Variants in RALGAPB observed in about 807,000 individuals in gnomAD.
The protein encoded by RALGAPB is ral GTPase-activating protein subunit beta.
A neutral mutation model predicts 161.1 loss-of-function variants in RALGAPB; 25 were observed. The observed-to-expected ratio is 0.16, with a 90% CI of 0.11 to 0.22. RALGAPB has a LOEUF of 0.22. RALGAPB is among the 10% of genes least tolerant of loss of function. RALGAPB has a pLI of 1.00. For missense variants in RALGAPB, 1,391 were observed against 1,815.2 expected, an observed-to-expected ratio of 0.77 and a Z score of 4.25; for synonymous variants, 629 against 626.1, an observed-to-expected ratio of 1.00 and a Z score of -0.07.
intron 28 of RALGAPB, among the ~76,000 whole-genome samples, chr20:38,573,436 A>T (rs1049310057): frequency 2.0e-5 from 3 of 152,132 alleles, no homozygotes; most frequent in African/African-American, 7.2e-5. Flanking sequence ...ATCACAAATA[A>T]CATGTAATAT....
At chr20:38,506,150 T>C (rs534394421) in intron 5 of RALGAPB, among the ~76,000 whole-genome samples, 5 of 152,278 alleles carry the variant, frequency 3.3e-5, no homozygotes, top group African/African-American at 1.2e-4. Flanking sequence ...TTAAAGTATA[T>C]AGGAAGATGT....
intron 2 of RALGAPB, among the ~76,000 whole-genome samples, chr20:38,491,030 G>A (rs1017802905): frequency 9.9e-5 from 15 of 152,186 alleles, no homozygotes; most frequent in Admixed American, 3.3e-4. Context: ...GACCTGCAAT[G>A]TCTTTTAGAA....
Position 38,551,121 on chromosome 20 carries a change from A to G in RALGAPB, c.3060A>G (p.Lys1020=). The change falls in exon 21 of 30, where the codon AAA becomes AAG. Residue 1020 remains lysine, a synonymous_variant. Coordinates refer to ENST00000262879, the MANE Select transcript of RALGAPB (RefSeq NM_020336.4). ...TTCCTAAAAATGACGTTGGATTTAA[A>G]TATTCTGTGAAACATCGGCCATTTC... ...RPVPKNDVGF[K]YSVKHRPFPE... 1.9e-6 allele frequency: 3 copies of G among 1,613,998 alleles called. No individual in the cohort carries two copies. The highest frequency in any genetic ancestry group is 3.3e-4 in the Middle Eastern group (2 of 6,060).
chr20:38,523,677 T>G (rs1297849886), intron 10 of RALGAPB, among the ~76,000 whole-genome samples: 2 of 151,920 alleles, frequency 1.3e-5, no homozygotes, highest in East Asian at 3.9e-4. Flanking sequence ...AGTTGAGAGG[T>G]GTGGGTTAGA....
At position 38,553,855 on chromosome 20, in the gene RALGAPB, G is replaced by T; in HGVS notation, c.3163-12G>T. The T allele has an allele frequency of 6.6e-7, 1 of 1,516,538 alleles. No individual in the cohort carries two copies. The highest frequency in any genetic ancestry group is 1.1e-5 in the South Asian group (1 of 88,818). The allele number at this position is 1,516,538 out of a possible 1,614,324, so 93.9% of individuals were successfully genotyped here. A position where few individuals can be genotyped will look rare whatever the true frequency, so the allele number is the denominator to read the frequency against. ...AATAGTTTCAAAAAATGAAATATTT[G>T]GTTTATTACAGTTAGAAGAGAGACA... is the stretch of plus-strand genomic sequence containing the variant. On this transcript the variant is annotated splice_polypyrimidine_tract_variant and intron_variant, in intron 21 of 29. Transcript: ENST00000262879.
intron 13 of RALGAPB, 141 bp downstream of exon 13, chr20:38,526,183 T>C (rs1648965734): frequency 5.1e-6 from 5 of 986,756 alleles, no homozygotes; most frequent in African/African-American, 1.7e-5. Flanking sequence ...GTTAGTTTTT[T>C]AATGTAAAAA....
At chr20:38,554,169 T>TA (rs202236409) in intron 22 of RALGAPB, 93 bp downstream of exon 22, 189,374 of 801,428 alleles carry the variant, frequency 0.24, 1,774 homozygotes, top group African/African-American at 0.3. Flanking sequence ...AGAAGCGAAT[T>TA]AAAAAAAAAA....
chr20:38,485,339 C>G (rs1348048440), intron 1 of RALGAPB, among the ~76,000 whole-genome samples: 2 of 152,186 alleles, frequency 1.3e-5, no homozygotes, highest in Non-Finnish European at 2.9e-5. Flanking sequence ...CACAGTGCCT[C>G]TAGGTGACAG....
At chr20:38,526,247 C>T (rs534942828) in intron 13 of RALGAPB, among the ~76,000 whole-genome samples, 3 of 152,062 alleles carry the variant, frequency 2.0e-5, no homozygotes, top group Admixed American at 6.6e-5. Context: ...CTTGGTTGGT[C>T]ATTTATTTGT....
chr20:38,531,092 A>T, intron 13 of RALGAPB, 75 bp from the exon 14 acceptor site: 1 of 1,237,282 alleles, frequency 8.1e-7, no homozygotes, highest in Non-Finnish European at 1.2e-6. Flanking sequence ...CTGTACTATT[A>T]ATCATATAAA....
At chr20:38,545,574 T>G (rs562911669) in intron 18 of RALGAPB, among the ~76,000 whole-genome samples, 8 of 152,310 alleles carry the variant, frequency 5.3e-5, no homozygotes, top group African/African-American at 1.9e-4. Flanking sequence ...CTCTCCTCTT[T>G]CACTCTAAGG....
At chr20:38,473,411 C>T (rs2084708885) in intron 1 of RALGAPB, among the ~76,000 whole-genome samples, 1 of 152,196 alleles carries the variant, frequency 6.6e-6, no homozygotes, top group Admixed American at 6.5e-5. Context: ...AAAGGTTAGG[C>T]AAGTTGCTGC....
intron 28 of RALGAPB, among the ~76,000 whole-genome samples, chr20:38,572,619 A>G (rs2088281411): frequency 6.6e-6 from 1 of 152,234 alleles, no homozygotes; most frequent in African/African-American, 2.4e-5. Flanking sequence ...TGTTGAAGTC[A>G]GTAAAGATGA....
At chr20:38,531,319 T>C in intron 14 of RALGAPB, 88 bp downstream of exon 14, 1 of 1,158,982 alleles carries the variant, frequency 8.6e-7, no homozygotes, top group Admixed American at 1.9e-5. Flanking sequence ...TTGTGAATTT[T>C]AAAGGCCTTT....
rs537543860 is a variant in RALGAPB at position 38,549,563 on chromosome 20, T to C, written c.3009+768T>C. On this transcript the variant is annotated intron_variant, in intron 20 of 29. Coordinates refer to ENST00000262879, the MANE Select transcript of RALGAPB (RefSeq NM_020336.4). ...AAAAAAAAAAAAATATATATATATA[T>C]ACACACACACACACATACATATACA... Among the ~76,000 whole-genome samples, 828 of 115,242 alleles carry C rather than the reference T, an allele frequency of 7.2e-3. 6 individuals carry two copies. The highest frequency in any genetic ancestry group is 0.016 in the African/African-American group (604 of 37,040). 75.6% of individuals were successfully genotyped at this position (115,242 alleles called of 152,430 possible). A position where few individuals can be genotyped will look rare whatever the true frequency, so the allele number is the denominator to read the frequency against.
chr20:38,526,051 T>C lies in RALGAPB; in HGVS notation c.2050+9T>C. The C allele has an allele frequency of 1.2e-6, 2 of 1,613,356 alleles. No individual in the cohort carries two copies. The highest frequency in any genetic ancestry group is 1.7e-6 in the Non-Finnish European group (2 of 1,179,760). On this transcript the variant is annotated intron_variant, in intron 13 of 29. Transcript: ENST00000262879. ...CACCCAAATGATATTAGGTTTGTATTCACACGTTATTTTGTAAGTGAAACC... is the reference window on the plus strand; with the variant it reads ...CACCCAAATGATATTAGGTTTGTATCCACACGTTATTTTGTAAGTGAAACC...
intron 3 of RALGAPB, among the ~76,000 whole-genome samples, chr20:38,495,465 A>G (rs1007980539): frequency 2.6e-5 from 4 of 152,240 alleles, no homozygotes; most frequent in Admixed American, 6.5e-5. Flanking sequence ...ATATAGTGTT[A>G]TAATTAGTCA....
chr20:38,526,592 T>A (rs7260933), intron 13 of RALGAPB, among the ~76,000 whole-genome samples: 4,374 of 152,332 alleles, frequency 0.029, 86 homozygotes, highest in Non-Finnish European at 0.044. Context: ...CTTCATCATC[T>A]TCTTAAGAGA....
intron 20 of RALGAPB, among the ~76,000 whole-genome samples, chr20:38,549,601 CAT>C (rs1159485450): frequency 2.2e-5 from 3 of 138,256 alleles, no homozygotes; most frequent in East Asian, 2.2e-4. Flanking sequence ...CACACACACA[CAT>C]ATGTATGCTG....
Sources: gnomAD v4.1 joint callset for allele counts (sites outside exome capture counted in the v4.1 genomes callset) on GRCh38, gnomAD v4.1.1 for gene constraint, MANE v1.5 for transcripts, NCBI Gene and HGNC (gene_info 2026-07-23, HGNC 2026-07-21) for gene names.